Variants in GRID2 observed in about 807,000 individuals in gnomAD.
The protein encoded by GRID2 is glutamate ionotropic receptor delta type subunit 2, also known as glutamate receptor ionotropic, delta-2.
Under a neutral mutation model 114.8 loss-of-function variants are expected in GRID2, and 33 were observed. The ratio of observed to expected loss-of-function variants is 0.29; its 90% CI spans 0.22 to 0.38. GRID2 has a LOEUF of 0.38. GRID2 is among the 10% of genes least tolerant of loss of function. GRID2 has a pLI of 1.00. For synonymous variants in GRID2, 505 were observed against 449.9 expected (o/e 1.12, Z -1.55); for missense variants, 1,184 against 1,257.7 (o/e 0.94, Z 0.89).
chr4:92,705,628 A>G (rs969849109), intron 2 of GRID2, among the ~76,000 whole-genome samples: 3 of 152,014 alleles, frequency 2.0e-5, no homozygotes, highest in Non-Finnish European at 4.4e-5. Context: ...TCCTACCTAC[A>G]CTCTGGTTGC....
chr4:92,817,278 C>T (rs565052416), intron 2 of GRID2, among the ~76,000 whole-genome samples: 1 of 151,964 alleles, frequency 6.6e-6, no homozygotes, highest in Admixed American at 6.6e-5. Context: ...GCATTTTATC[C>T]CCGCTTTTAT....
intron 1 of GRID2, among the ~76,000 whole-genome samples, chr4:92,346,996 T>G (rs1727799893): frequency 6.6e-6 from 1 of 152,230 alleles, no homozygotes; most frequent in South Asian, 2.1e-4. Context: ...TTTTTTCTCT[T>G]AGTCCAGAAA....
At chr4:92,920,124 T>A (rs1483120352) in intron 2 of GRID2, among the ~76,000 whole-genome samples, 1 of 152,218 alleles carries the variant, frequency 6.6e-6, no homozygotes, top group African/African-American at 2.4e-5. Flanking sequence ...TCTCTTTTGA[T>A]CTTTGTTGGT....
chr4:92,881,515 C>G (rs1432793992), intron 2 of GRID2, among the ~76,000 whole-genome samples: 2 of 151,714 alleles, frequency 1.3e-5, no homozygotes, highest in Non-Finnish European at 2.9e-5. Context: ...CTTTTTTTTC[C>G]TGACCCAATA....
At chr4:93,088,858 G>C (rs1022191463) in intron 3 of GRID2, among the ~76,000 whole-genome samples, 2 of 152,054 alleles carry the variant, frequency 1.3e-5, no homozygotes, top group African/African-American at 4.8e-5. Context: ...TATCAGATCA[G>C]AGATTTAACG....
chr4:92,730,292 T>A (rs1258058126), intron 2 of GRID2, among the ~76,000 whole-genome samples: 3 of 151,846 alleles, frequency 2.0e-5, no homozygotes, highest in African/African-American at 7.2e-5. Context: ...GTCACAGCAA[T>A]GGTGATCTCA....
Position 93,149,419 on chromosome 4 carries a change from C to A in GRID2, c.735+38466C>A, listed in dbSNP as rs549285770. Among the ~76,000 whole-genome samples the A allele has an allele frequency of 2.4e-3, 367 of 151,838 alleles. 2 individuals carry two copies. The highest frequency in any genetic ancestry group is 0.01 in the Middle Eastern group (3 of 294). On this transcript the variant is annotated intron_variant, in intron 4 of 15. Transcript: ENST00000282020. ...TGAGAAGTTGTCTCTAGTGAAAATA[C>A]AAAAAAATTAGCCAAGTGTGGTGGA...
chr4:92,515,058 A>T (rs142609142), intron 1 of GRID2, among the ~76,000 whole-genome samples: 2 of 152,026 alleles, frequency 1.3e-5, no homozygotes, highest in African/African-American at 4.8e-5. Flanking sequence ...TACCAAGCTG[A>T]GGGAAGTGCA....
At chr4:93,511,784 T>C (rs1046776132) in intron 12 of GRID2, among the ~76,000 whole-genome samples, 1 of 151,974 alleles carries the variant, frequency 6.6e-6, no homozygotes, top group Non-Finnish European at 1.5e-5. Flanking sequence ...TTCTTCTTTT[T>C]TTTTTTTTTT....
intron 14 of GRID2, among the ~76,000 whole-genome samples, chr4:93,637,519 G>A (rs113623911): frequency 1.2e-4 from 19 of 152,216 alleles, no homozygotes; most frequent in African/African-American, 3.6e-4. Context: ...CATGACTGCC[G>A]ACATGGCTGT....
chr4:92,658,354 A>T (rs1335710419), intron 2 of GRID2, among the ~76,000 whole-genome samples: 1 of 151,788 alleles, frequency 6.6e-6, no homozygotes, highest in African/African-American at 2.4e-5. Flanking sequence ...AATCCACAGT[A>T]TATATAACTT....
In GRID2 at chr4:92,683,233, A is replaced by AC. The variant is rs540007878; in HGVS notation, c.244+92947_244+92948insC. Among the ~76,000 whole-genome samples, 479 of 151,916 alleles carry AC rather than the reference A, an allele frequency of 3.2e-3. 2 individuals carry two copies. The highest frequency in any genetic ancestry group is 0.01 in the African/African-American group (425 of 41,292). The stretch of plus-strand genomic sequence containing the variant: ...AGAATCTCGTGAATCCAGAAGGCGG[A>AC]GCTTGCAGTGAGTGGAGATCGCGCC... On this transcript the variant is annotated intron_variant, in intron 2 of 15. Transcript: ENST00000282020.
rs928115254 is a variant in GRID2, at chr4:93,015,532, C to T, written c.245-69463C>T. Among the ~76,000 whole-genome samples the T allele has an allele frequency of 5.9e-5, 9 of 152,138 alleles. No individual in the cohort carries two copies. In the South Asian group the frequency reaches 1.0e-3, roughly 17 times the overall value. On this transcript the variant is annotated intron_variant, in intron 2 of 15. Transcript: ENST00000282020. ...TGATCATCAAATGGTTTTATACATG[C>T]TAATTGCTTAGATAAGTGCTCAACA...
exon 2 of GRID2, chr4:93,807,615 A>G (rs1735056918): frequency 6.6e-6 from 1 of 152,138 alleles, no homozygotes; most frequent in African/African-American, 2.4e-5. Context: ...TCTTAGGATT[A>G]CACCCTGGAA....
At chr4:92,488,241 G>A (rs999918387) in intron 1 of GRID2, among the ~76,000 whole-genome samples, 9 of 152,100 alleles carry the variant, frequency 5.9e-5, no homozygotes, top group South Asian at 2.1e-4. Context: ...AGAGGACACC[G>A]GTTCTGACAA....
intron 8 of GRID2, among the ~76,000 whole-genome samples, chr4:93,259,888 C>A (rs1750062843): frequency 6.6e-6 from 1 of 151,742 alleles, no homozygotes; most frequent in Admixed American, 6.6e-5. Context: ...TACATTTCTA[C>A]TGCCTTTGCT....
chr4:93,599,479 G>T (rs780822892), intron 13 of GRID2, among the ~76,000 whole-genome samples: 32 of 152,154 alleles, frequency 2.1e-4, no homozygotes, highest in Non-Finnish European at 4.3e-4. Context: ...TATCATCATT[G>T]AAACTTTCTG....
intron 12 of GRID2, among the ~76,000 whole-genome samples, chr4:93,506,194 C>T (rs920248184): frequency 6.6e-6 from 1 of 152,144 alleles, no homozygotes; most frequent in African/African-American, 2.4e-5. Flanking sequence ...TACAATTTTA[C>T]CTGTGACCAT....
chr4:92,687,543 A>T (rs1251970884), intron 2 of GRID2, among the ~76,000 whole-genome samples: 2 of 152,048 alleles, frequency 1.3e-5, no homozygotes, highest in Non-Finnish European at 2.9e-5. Context: ...AAAATACCTT[A>T]TTGGGGCCGG....
Sources: allele counts gnomAD v4.1 joint callset (sites outside exome capture counted in the v4.1 genomes callset), GRCh38; gene constraint gnomAD v4.1.1; transcripts MANE v1.5; gene names NCBI Gene and HGNC (gene_info 2026-07-23, HGNC 2026-07-21).